The following DPH6 variants were observed in gnomAD, a reference collection of about 807,000 sequenced individuals.
DPH6 encodes the protein diphthine--ammonia ligase.
Under a neutral mutation model 38.2 loss-of-function variants are expected in DPH6, and 33 were observed. That is an observed-to-expected ratio of 0.86 (90% CI 0.65 to 1.15). The LOEUF is 1.15. Among genes scored for constraint, DPH6 ranks in the 50% most tolerant of loss-of-function variants. The probability of loss-of-function intolerance (pLI) is 0.00; values close to 1 mark genes in which losing one functional copy is unlikely to be tolerated. For missense variants in DPH6, 325 were observed against 320.0 expected, an observed-to-expected ratio of 1.02 and a Z score of -0.12; for synonymous variants, 108 against 103.0, an observed-to-expected ratio of 1.05 and a Z score of -0.30.
At chr15:35,491,596 C>T (rs959947963) in intron 3 of DPH6, among the ~76,000 whole-genome samples, 3 of 149,238 alleles carry the variant, frequency 2.0e-5, no homozygotes, top group African/African-American at 2.5e-5. Flanking sequence ...CACAGATTCT[C>T]TCTCTCGATA....
intron 1 of DPH6, among the ~76,000 whole-genome samples, chr15:35,545,257 G>A (rs1195675081): frequency 1.3e-5 from 2 of 152,194 alleles, no homozygotes; most frequent in South Asian, 2.1e-4. Flanking sequence ...TTTTAATGTT[G>A]CTAGTGTGTT....
intron 8 of DPH6, among the ~76,000 whole-genome samples, 154 bp downstream of exon 8, chr15:35,373,367 C>A (rs2052737308): frequency 6.6e-6 from 1 of 151,682 alleles, no homozygotes; most frequent in Admixed American, 6.6e-5. Context: ...TTGTAAAATT[C>A]TTAGTTATTG....
At chr15:35,513,706 G>A (rs182823709) in intron 3 of DPH6, among the ~76,000 whole-genome samples, 2 of 151,852 alleles carry the variant, frequency 1.3e-5, no homozygotes, top group African/African-American at 4.8e-5. Context: ...AAACTTTATA[G>A]ATCCTAACTT....
chr15:35,174,928 A>G, the DPH6 span, among the ~76,000 whole-genome samples: 135 of 152,318 alleles, frequency 8.9e-4, 1 homozygote, highest in Middle Eastern at 3.4e-3. Context: ...TGTATCTCTT[A>G]CCTGCCTTCT....
chr15:35,437,213 C>T (rs888575547), intron 5 of DPH6, among the ~76,000 whole-genome samples: 18 of 152,122 alleles, frequency 1.2e-4, no homozygotes, highest in Admixed American at 1.1e-3. Context: ...AGGAACGCCT[C>T]GCTCCCCTCT....
intron 3 of DPH6, among the ~76,000 whole-genome samples, chr15:35,313,678 C>T (rs1319566062): frequency 6.6e-6 from 1 of 151,954 alleles, no homozygotes; most frequent in African/African-American, 2.4e-5. Context: ...ATTTTTGTAT[C>T]CTGCAATTAT....
chr15:35,178,299 G>T, the DPH6 span, among the ~76,000 whole-genome samples: 1,131 of 152,274 alleles, frequency 7.4e-3, 6 homozygotes, highest in Non-Finnish European at 0.011. Context: ...AAAGGAAAGA[G>T]GTTTAATTGA....
At chr15:35,261,344 G>A (rs2051745033) in intron 3 of DPH6, among the ~76,000 whole-genome samples, 1 of 152,122 alleles carries the variant, frequency 6.6e-6, no homozygotes, top group Admixed American at 6.5e-5. Context: ...AGCATTAAGG[G>A]TTTTTGTTTT....
exon 4 of DPH6, chr15:35,218,650 T>A (rs6495760): frequency 6.6e-6 from 1 of 152,076 alleles, no homozygotes; most frequent in Admixed American, 6.6e-5. Context: ...ATGATAATCC[T>A]CTCTTCTTTG....
intron 3 of DPH6, among the ~76,000 whole-genome samples, chr15:35,475,409 C>A (rs1265900291): frequency 6.6e-6 from 1 of 151,946 alleles, no homozygotes; most frequent in Non-Finnish European, 1.5e-5. Flanking sequence ...AATCTGAAAT[C>A]ATAAAATTGA....
intron 3 of DPH6, among the ~76,000 whole-genome samples, chr15:35,248,687 C>A (rs1382669917): frequency 6.6e-5 from 10 of 152,216 alleles, no homozygotes. Flanking sequence ...TTTTGTCAGT[C>A]TGTCTTTATT....
intron 3 of DPH6, among the ~76,000 whole-genome samples, chr15:35,362,898 T>A (rs2052625567): frequency 6.6e-6 from 1 of 152,188 alleles, no homozygotes; most frequent in Non-Finnish European, 1.5e-5. Context: ...GTTGTCCCCA[T>A]GGGGAAATAG....
chr15:35,270,341 C>T (rs558493266), intron 3 of DPH6, among the ~76,000 whole-genome samples: 6 of 152,170 alleles, frequency 3.9e-5, no homozygotes, highest in South Asian at 2.1e-4. Flanking sequence ...TGGAGTGCAT[C>T]GGTTCTGCTG....
At chr15:35,497,180 A>C (rs1390855690) in intron 3 of DPH6, among the ~76,000 whole-genome samples, 5 of 152,210 alleles carry the variant, frequency 3.3e-5, no homozygotes, top group African/African-American at 9.6e-5. Context: ...CTACGCTCCA[A>C]GCAGATGCTC....
At chr15:35,363,150 C>G (rs1048497113) in intron 3 of DPH6, among the ~76,000 whole-genome samples, 13 of 152,164 alleles carry the variant, frequency 8.5e-5, no homozygotes, top group African/African-American at 3.1e-4. Context: ...TTTGTAGGGT[C>G]ACGTTTGCTA....
chr15:35,223,508 A>C (rs547886453), intron 3 of DPH6, among the ~76,000 whole-genome samples: 1 of 152,272 alleles, frequency 6.6e-6, no homozygotes, highest in South Asian at 2.1e-4. Context: ...AAGAAGGTGA[A>C]ACCCCGTCTC....
chr15:35,389,703 C>T (rs957156275), intron 6 of DPH6, among the ~76,000 whole-genome samples: 1 of 152,124 alleles, frequency 6.6e-6, no homozygotes, highest in African/African-American at 2.4e-5. Flanking sequence ...GGTAGATCTT[C>T]CTCCATCCCT....
At chr15:35,322,599 C>A (rs777195593) in intron 3 of DPH6, among the ~76,000 whole-genome samples, 16 of 151,732 alleles carry the variant, frequency 1.1e-4, no homozygotes, top group Non-Finnish European at 2.2e-4. Flanking sequence ...TCTCTTTTTT[C>A]TTTGGAGTTG....
At chr15:35,467,510 G>A (rs1239133254) in intron 3 of DPH6, among the ~76,000 whole-genome samples, 2 of 152,204 alleles carry the variant, frequency 1.3e-5, no homozygotes, top group African/African-American at 4.8e-5. Context: ...AGGTTGCAGT[G>A]AGCTGAGATC....
Sources: allele counts gnomAD v4.1 joint callset (sites outside exome capture counted in the v4.1 genomes callset), GRCh38; gene constraint gnomAD v4.1.1; transcripts MANE v1.5; gene names NCBI Gene and HGNC (gene_info 2026-07-23, HGNC 2026-07-21).